SIDT1: variants seen among roughly 807,000 people sequenced by gnomAD.
The protein encoded by SIDT1 is SID1 transmembrane family member 1.
In SIDT1, 101 loss-of-function variants were observed where a neutral mutation model predicts 107.5. That is an observed-to-expected ratio of 0.94 (90% CI 0.80 to 1.11). The LOEUF (loss-of-function observed/expected upper bound fraction) is 1.11. Among genes scored for constraint, SIDT1 ranks in the 50% least tolerant of loss-of-function variants. The probability of loss-of-function intolerance (pLI) is 0.00; values close to 1 mark genes in which losing one functional copy is unlikely to be tolerated. For synonymous variants in SIDT1, 395 were observed against 398.2 expected, an observed-to-expected ratio of 0.99 and a Z score of 0.10; for missense variants, 1,076 against 1,058.2, an observed-to-expected ratio of 1.02 and a Z score of -0.23.
At chr3:113,547,192 A>G (rs1939688610) in intron 1 of SIDT1, among the ~76,000 whole-genome samples, 1 of 152,164 alleles carries the variant, frequency 6.6e-6, no homozygotes, top group African/African-American at 2.4e-5. Flanking sequence ...TACACATTCC[A>G]TACATGTATC....
chr3:113,564,036 C>T (rs1200763021), intron 1 of SIDT1, among the ~76,000 whole-genome samples: 1 of 152,148 alleles, frequency 6.6e-6, no homozygotes, highest in African/African-American at 2.4e-5. Flanking sequence ...GCAACCTCTG[C>T]CTCCTGGGTT....
Position 113,533,006 on chromosome 3 carries a change from G to C in SIDT1, c.-16G>C, listed in dbSNP as rs1576667011. On this transcript the variant is annotated 5_prime_UTR_variant, in exon 1 of 25. Coordinates refer to ENST00000264852, the MANE Select transcript of SIDT1 (RefSeq NM_017699.3). ...CCAGGGTGGCTCCGCTTTCGAGCCC[G>C]GGCGCGGTGCCCACCATGCGCGGCT... 28 of 1,342,674 alleles carry C rather than the reference G, an allele frequency of 2.1e-5. No homozygotes were observed. In the East Asian group the frequency reaches 3.7e-4, roughly 18 times the overall value. The allele number at this position is 1,342,674 out of a possible 1,614,324, so 83.2% of individuals were successfully genotyped here.
At chr3:113,543,583 T>C (rs750077191) in intron 1 of SIDT1, among the ~76,000 whole-genome samples, 2 of 152,182 alleles carry the variant, frequency 1.3e-5, no homozygotes, top group Non-Finnish European at 2.9e-5. Context: ...TTTTTTTAGA[T>C]GTTTTCCCCA....
chr3:113,574,089 G>T (rs1035813854), intron 3 of SIDT1, among the ~76,000 whole-genome samples: 1 of 152,192 alleles, frequency 6.6e-6, no homozygotes, highest in Non-Finnish European at 1.5e-5. Context: ...TTTGGGTGGG[G>T]TGTTTGTTAT....
At chr3:113,571,486 G>GCGCGCACACACA (rs1553789357) in intron 3 of SIDT1, among the ~76,000 whole-genome samples, 5 of 148,852 alleles carry the variant, frequency 3.4e-5, no homozygotes, top group African/African-American at 1.2e-4. Context: ...CCTATCCTCT[G>GCGCGCACACACA]CACACACACA....
intron 1 of SIDT1, among the ~76,000 whole-genome samples, chr3:113,544,412 G>T (rs566806616): frequency 6.6e-6 from 1 of 152,054 alleles, no homozygotes; most frequent in Non-Finnish European, 1.5e-5. Context: ...GGATGGTCTC[G>T]ATCTCCTGAC....
chr3:113,618,813 C>G (rs1946273415), intron 20 of SIDT1, among the ~76,000 whole-genome samples: 1 of 152,114 alleles, frequency 6.6e-6, no homozygotes, highest in Non-Finnish European at 1.5e-5. Flanking sequence ...GAGTAATTGT[C>G]ATTTATTTGT....
intron 19 of SIDT1, among the ~76,000 whole-genome samples, chr3:113,613,354 A>G (rs1945885170): frequency 6.6e-6 from 1 of 152,212 alleles, no homozygotes; most frequent in Admixed American, 6.5e-5. Context: ...GAATTTCTAG[A>G]AGGAAAGGAG....
chr3:113,592,997 G>A lies in SIDT1; in HGVS notation c.1002-8G>A. The A allele has an allele frequency of 1.2e-6, 2 of 1,609,884 alleles. No homozygotes were observed. Among genetic ancestry groups the A allele is most frequent in the Non-Finnish European group, 1.7e-6 (2 of 1,176,138 alleles). ...GTCTTAGGAGCATGTGTATGTGCTT[G>A]TTTGCAGGTTTCAGAGAAAATCCAT... On this transcript the variant is annotated splice_polypyrimidine_tract_variant and splice_region_variant and intron_variant, in intron 9 of 24. Transcript: ENST00000264852.
At chr3:113,584,353 G>T (rs971122869) in intron 7 of SIDT1, among the ~76,000 whole-genome samples, 1 of 152,184 alleles carries the variant, frequency 6.6e-6, no homozygotes, top group Non-Finnish European at 1.5e-5. Context: ...GGTAGCTTCT[G>T]TTTTCACAGC....
Position 113,611,117 on chromosome 3 carries a change from G to A in SIDT1, c.1830G>A (p.Val610=). The A allele has an allele frequency of 6.2e-7, 1 of 1,613,884 alleles. No individual in the cohort carries two copies. Among genetic ancestry groups the A allele is most frequent in the Non-Finnish European group, 8.5e-7 (1 of 1,179,918 alleles). The change falls in exon 18 of 25, where the codon GTG becomes GTA. Residue 610 remains valine (V), a synonymous_variant. Transcript: ENST00000264852. ...SAYSAYASFA[V]VIMVTVLGVV... is the part of the protein sequence containing the mutation. Reference sequence around the variant, plus strand: ...ACTCTGCCTATGCCTCCTTTGCTGTGGTCATCATGGTCACCGTCCTTGGAG... The same window carrying A: ...ACTCTGCCTATGCCTCCTTTGCTGTAGTCATCATGGTCACCGTCCTTGGAG...
At chr3:113,571,261 C>A (rs1942420230) in intron 3 of SIDT1, among the ~76,000 whole-genome samples, 2 of 151,870 alleles carry the variant, frequency 1.3e-5, no homozygotes, top group South Asian at 4.2e-4. Context: ...AAATAAAAAC[C>A]AAAAAAATTA....
intron 10 of SIDT1, among the ~76,000 whole-genome samples, chr3:113,593,771 G>C (rs1944345510): frequency 6.6e-6 from 1 of 152,152 alleles, no homozygotes; most frequent in South Asian, 2.1e-4. Flanking sequence ...TAAGATGGAG[G>C]CTTTCTTAAG....
At chr3:113,551,715 TA>T (rs1289782287) in intron 1 of SIDT1, among the ~76,000 whole-genome samples, 3 of 152,152 alleles carry the variant, frequency 2.0e-5, no homozygotes, top group African/African-American at 7.2e-5. Flanking sequence ...TGATACTAAG[TA>T]AAACTATAAA....
At chr3:113,581,336 A>G (rs2271494) in intron 5 of SIDT1, 25 bp from the exon 6 acceptor site, 1 of 1,593,214 alleles carries the variant, frequency 6.3e-7, no homozygotes, top group Non-Finnish European at 8.6e-7. Context: ...GATGCTTTCC[A>G]TTTTATTCCT....
At chr3:113,623,192 TA>T (rs61454117) in intron 21 of SIDT1, among the ~76,000 whole-genome samples, 12,152 of 53,226 alleles carry the variant, frequency 0.23, 906 homozygotes, top group Non-Finnish European at 0.26. Context: ...CCCCAACTCT[TA>T]AAAAAAAAAA....
intron 14 of SIDT1, among the ~76,000 whole-genome samples, chr3:113,605,589 C>G (rs1945269121): frequency 6.6e-6 from 1 of 152,178 alleles, no homozygotes; most frequent in Admixed American, 6.5e-5. Context: ...ACACTCTGAG[C>G]TTTCTGATCA....
At position 113,611,121 on chromosome 3, in the gene SIDT1, A is replaced by T; in HGVS notation, c.1834A>T (p.Ile612Phe). 6.2e-7 allele frequency: 1 copy of T among 1,613,974 alleles called. No individual in the cohort carries two copies. Among genetic ancestry groups the T allele is most frequent in the South Asian group, 1.1e-5 (1 of 91,072 alleles). ...YSAYASFAVV[I>F]MVTVLGVVFG... Reference sequence around the variant, plus strand: ...TGCCTATGCCTCCTTTGCTGTGGTCATCATGGTCACCGTCCTTGGAGTGGT... The same window carrying T: ...TGCCTATGCCTCCTTTGCTGTGGTCTTCATGGTCACCGTCCTTGGAGTGGT... The change falls in exon 18 of 25, where the codon ATC becomes TTC. Residue 612 changes from isoleucine (I) to phenylalanine (F), a missense_variant. By Grantham distance (21) the Ile-to-Phe change is conservative. Coordinates refer to ENST00000264852, the MANE Select transcript of SIDT1 (RefSeq NM_017699.3).
At chr3:113,616,842 C>T (rs1183245666) in intron 20 of SIDT1, among the ~76,000 whole-genome samples, 1 of 151,924 alleles carries the variant, frequency 6.6e-6, no homozygotes, top group Non-Finnish European at 1.5e-5. Context: ...GCATGTGCCA[C>T]CACACCTGGC....
Sources: gnomAD v4.1 joint callset for allele counts (sites outside exome capture counted in the v4.1 genomes callset) on GRCh38, gnomAD v4.1.1 for gene constraint, MANE v1.5 for transcripts, NCBI Gene and HGNC (gene_info 2026-07-23, HGNC 2026-07-21) for gene names.